Variants in SOX5 observed in about 807,000 individuals in gnomAD.
SOX5 encodes SRY-box transcription factor 5.
SOX5 carries 9 observed loss-of-function variants against 92.0 expected under a neutral mutation model. That is an observed-to-expected ratio of 0.10 (90% CI 0.06 to 0.17). The LOEUF is 0.17. Among genes scored for constraint, SOX5 ranks in the 10% least tolerant of loss-of-function variants. SOX5 has a pLI of 1.00. For missense variants in SOX5, 642 were observed against 944.5 expected (o/e 0.68, Z 4.20); for synonymous variants, 344 against 336.3 (o/e 1.02, Z -0.25).
intron 1 of SOX5, among the ~76,000 whole-genome samples, chr12:24,549,365 T>C (rs1952935925): frequency 6.6e-6 from 1 of 152,256 alleles, no homozygotes; most frequent in Admixed American, 6.5e-5. Context: ...ACATGGTGTC[T>C]GGCTCATAGT....
chr12:23,740,724 T>G lies in SOX5; in HGVS notation c.741+143A>C, dbSNP rs561275123. ...GTCTGTGGGTGGGTTTTTGTTTTGT[T>G]TTGCTTTTTTGGCCTTTGAATTTAT... On this transcript the variant is annotated intron_variant, in intron 5 of 14. Coordinates refer to ENST00000451604, the MANE Select transcript of SOX5 (RefSeq NM_006940.6). 2.6e-5 allele frequency: 18 copies of G among 685,052 alleles called. No homozygotes were observed. The African/African-American group carries it at 3.1e-4, about 12-fold the overall frequency. 42.4% of individuals were successfully genotyped at this position (685,052 alleles called of 1,614,324 possible). A position where few individuals can be genotyped will look rare whatever the true frequency, so the allele number is the denominator to read the frequency against.
chr12:24,097,722 T>C (rs1183108239), intron 4 of SOX5, among the ~76,000 whole-genome samples: 2 of 152,150 alleles, frequency 1.3e-5, no homozygotes, highest in African/African-American at 4.8e-5. Context: ...ATAAATGTTT[T>C]ACCTTCATAA....
In SOX5 at chr12:23,771,456, T is replaced by C. The variant is rs907172355; in HGVS notation, c.482-15732A>G. ...AGTACAGTCACTATATTCACTCAAA[T>C]TGGCAACAGGTCTCAGTGTTCCTGG... is the stretch of plus-strand genomic sequence containing the variant. On this transcript the variant is annotated intron_variant, in intron 3 of 14. Coordinates refer to ENST00000451604, the MANE Select transcript of SOX5 (RefSeq NM_006940.6). Among the ~76,000 whole-genome samples the C allele has an allele frequency of 4.6e-5, 7 of 152,150 alleles. No homozygotes were observed. In the South Asian group the frequency reaches 8.3e-4, roughly 18 times the overall value.
intron 2 of SOX5, among the ~76,000 whole-genome samples, chr12:24,353,078 G>T (rs778426733): frequency 6.6e-6 from 1 of 152,144 alleles, no homozygotes; most frequent in East Asian, 1.9e-4. Flanking sequence ...AGGTCATTAC[G>T]TTGTATGGAG....
At chr12:24,136,770 A>G (rs1950144428) in intron 4 of SOX5, among the ~76,000 whole-genome samples, 1 of 152,264 alleles carries the variant, frequency 6.6e-6, no homozygotes, top group Non-Finnish European at 1.5e-5. Context: ...TTTTGGCAAA[A>G]GCCCCTGCTT....
At chr12:23,617,111 A>G (rs2076651685) in intron 8 of SOX5, among the ~76,000 whole-genome samples, 1 of 146,336 alleles carries the variant, frequency 6.8e-6, no homozygotes, top group Non-Finnish European at 1.5e-5. Context: ...GGGCAATAGA[A>G]CAAGACTCTG....
intron 4 of SOX5, among the ~76,000 whole-genome samples, chr12:24,170,459 T>G (rs1953959187): frequency 1.3e-5 from 2 of 152,142 alleles, no homozygotes. Context: ...GAAAACCTGA[T>G]TTTACCCTCA....
chr12:23,830,647 C>T (rs1210324803), intron 3 of SOX5, among the ~76,000 whole-genome samples: 4 of 152,086 alleles, frequency 2.6e-5, no homozygotes, highest in African/African-American at 9.7e-5. Flanking sequence ...CCATCAAATG[C>T]GATTTTAAAA....
At chr12:23,752,920 T>C (rs1339073089) in intron 4 of SOX5, among the ~76,000 whole-genome samples, 4 of 151,868 alleles carry the variant, frequency 2.6e-5, no homozygotes, top group African/African-American at 9.7e-5. Context: ...TTGTTTCTAA[T>C]GTAACTTTAA....
intron 1 of SOX5, among the ~76,000 whole-genome samples, chr12:24,434,364 T>C (rs954266405): frequency 2.6e-5 from 4 of 152,308 alleles, no homozygotes; most frequent in Admixed American, 6.5e-5. Context: ...TAAGTCTGCC[T>C]GGGAGAGAAG....
chr12:24,422,493 T>G (rs1966080172), intron 1 of SOX5, among the ~76,000 whole-genome samples: 1 of 152,174 alleles, frequency 6.6e-6, no homozygotes, highest in African/African-American at 2.4e-5. Flanking sequence ...AGCCATCATA[T>G]GTAAGATAAC....
chr12:24,463,654 CG>C lies in SOX5; in HGVS notation c.-250-95016del, dbSNP rs1170934919. On this transcript the variant is annotated intron_variant, in intron 1 of 4. Coordinates refer to the SOX5 transcript ENST00000446891. ...CAGATGCGATCTACGGATTGGTGAACGGCAAAATGCCTATCTATTTTCAGAG... is the reference window on the plus strand; with the variant it reads ...CAGATGCGATCTACGGATTGGTGAACGCAAAATGCCTATCTATTTTCAGAG... Among the ~76,000 whole-genome samples the C allele has an allele frequency of 2.0e-5, 3 of 152,132 alleles. No individual in the cohort carries two copies. The East Asian group carries it at 5.8e-4, about 29-fold the overall frequency.
At chr12:23,611,439 G>A (rs1246288703) in intron 8 of SOX5, among the ~76,000 whole-genome samples, 1 of 151,126 alleles carries the variant, frequency 6.6e-6, no homozygotes, top group Admixed American at 6.6e-5. Context: ...TTTATCTACT[G>A]ATGGACAATA....
intron 4 of SOX5, among the ~76,000 whole-genome samples, chr12:23,984,431 T>C (rs1262853367): frequency 1.3e-5 from 2 of 152,164 alleles, no homozygotes; most frequent in East Asian, 3.9e-4. Flanking sequence ...GACTCGGAAA[T>C]CCACCAAGGG....
chr12:24,050,631 G>T (rs986058878), intron 4 of SOX5, among the ~76,000 whole-genome samples: 1 of 152,048 alleles, frequency 6.6e-6, no homozygotes, highest in South Asian at 2.1e-4. Flanking sequence ...CCCAAAAGAG[G>T]TAATGTCTAG....
intron 2 of SOX5, among the ~76,000 whole-genome samples, chr12:23,870,337 A>T (rs977617715): frequency 6.6e-6 from 1 of 152,150 alleles, no homozygotes; most frequent in Non-Finnish European, 1.5e-5. Context: ...AGAACATTAT[A>T]GGGATACAGG....
chr12:23,761,166 C>T (rs1367940627), intron 3 of SOX5, among the ~76,000 whole-genome samples: 2 of 152,094 alleles, frequency 1.3e-5, no homozygotes, highest in African/African-American at 4.8e-5. Flanking sequence ...CACATGTAGA[C>T]TATTCATGCC....
chr12:24,484,395 T>C (rs1946308194), intron 1 of SOX5, among the ~76,000 whole-genome samples: 1 of 152,208 alleles, frequency 6.6e-6, no homozygotes, highest in Admixed American at 6.5e-5. Flanking sequence ...TTGGAGATAA[T>C]CTTGAATCAC....
intron 6 of SOX5, among the ~76,000 whole-genome samples, chr12:23,713,175 A>G (rs983134443): frequency 6.6e-6 from 1 of 152,064 alleles, no homozygotes; most frequent in Non-Finnish European, 1.5e-5. Flanking sequence ...GGCAGAGACT[A>G]GAGTCACGCA....
Sources: allele counts gnomAD v4.1 joint callset (sites outside exome capture counted in the v4.1 genomes callset), GRCh38; gene constraint gnomAD v4.1.1; transcripts MANE v1.5; gene names NCBI Gene and HGNC (gene_info 2026-07-23, HGNC 2026-07-21).